Variants in RBFOX2 observed in about 807,000 individuals in gnomAD.
The protein encoded by RBFOX2 is RNA binding fox-1 homolog 2, also known as RNA binding protein fox-1 homolog 2.
A neutral mutation model predicts 49.1 loss-of-function variants in RBFOX2; 10 were observed. The ratio of observed to expected loss-of-function variants is 0.20; its 90% CI spans 0.13 to 0.35. The LOEUF (loss-of-function observed/expected upper bound fraction) is 0.35, where lower values mean the gene tolerates loss of function less well. RBFOX2 is among the 10% of genes least tolerant of loss of function. The pLI is 1.00. For synonymous variants in RBFOX2, 183 were observed against 187.4 expected, an observed-to-expected ratio of 0.98 and a Z score of 0.19; for missense variants, 323 against 486.9, an observed-to-expected ratio of 0.66 and a Z score of 3.17.
chr22:35,791,977 G>A (rs1288323594), intron 2 of RBFOX2, among the ~76,000 whole-genome samples: 1 of 152,148 alleles, frequency 6.6e-6, no homozygotes, highest in East Asian at 1.9e-4. Flanking sequence ...ACTGCTCAAA[G>A]TACATCTGCC....
chr22:35,966,308 T>C (rs2056554921), upstream of RBFOX2, among the ~76,000 whole-genome samples: 1 of 152,204 alleles, frequency 6.6e-6, no homozygotes, highest in African/African-American at 2.4e-5. Context: ...TCCTTGCACA[T>C]GTCTTTCAGT....
chr22:35,742,592 G>C (rs374995625), exon 12 of RBFOX2: 1 of 152,600 alleles, frequency 6.6e-6, no homozygotes, highest in Non-Finnish European at 1.5e-5. Context: ...AATGTGACTA[G>C]ACCAGGGAGC....
intron 1 of RBFOX2, among the ~76,000 whole-genome samples, chr22:35,892,993 C>A (rs550590063): frequency 3.3e-5 from 5 of 152,236 alleles, no homozygotes; most frequent in Admixed American, 1.3e-4. Flanking sequence ...GCATTATTCG[C>A]TATAGCTCCT....
intron 4 of RBFOX2, among the ~76,000 whole-genome samples, chr22:35,769,191 G>A (rs1276320605): frequency 2.0e-5 from 3 of 152,060 alleles, no homozygotes; most frequent in African/African-American, 4.8e-5. Context: ...TCTATATATA[G>A]AGAAAAAAGG....
chr22:36,026,498 TCTCA>T (rs2059439810), intron 1 of RBFOX2, among the ~76,000 whole-genome samples: 1 of 150,586 alleles, frequency 6.6e-6, no homozygotes, highest in African/African-American at 2.5e-5. Flanking sequence ...GGGACGGGGG[TCTCA>T]CTATTAACTA....
intron 1 of RBFOX2, among the ~76,000 whole-genome samples, chr22:35,929,944 G>A (rs1037573536): frequency 4.6e-5 from 7 of 150,852 alleles, no homozygotes; most frequent in Non-Finnish European, 8.8e-5. Flanking sequence ...AACTCTATAC[G>A]TTTACTAAAT....
intron 1 of RBFOX2, among the ~76,000 whole-genome samples, chr22:35,884,944 G>A (rs2046380852): frequency 6.6e-6 from 1 of 152,032 alleles, no homozygotes; most frequent in Non-Finnish European, 1.5e-5. Flanking sequence ...CCTATCATAG[G>A]AGGCACTTGG....
At chr22:35,968,811 T>A (rs2056712154) in intron 1 of RBFOX2, among the ~76,000 whole-genome samples, 1 of 152,182 alleles carries the variant, frequency 6.6e-6, no homozygotes, top group African/African-American at 2.4e-5. Context: ...AAAGACATTA[T>A]AACAAGTAAA....
chr22:35,979,126 T>C (rs978751327), intron 1 of RBFOX2, among the ~76,000 whole-genome samples: 5 of 152,172 alleles, frequency 3.3e-5, no homozygotes, highest in African/African-American at 4.8e-5. Context: ...CATAGCATCA[T>C]TGCAGTGGTA....
intron 1 of RBFOX2, chr22:35,996,879 T>TC (rs2058215705): frequency 1.3e-5 from 2 of 152,160 alleles, no homozygotes; most frequent in Admixed American, 6.5e-5. Context: ...GGATGTCTAA[T>TC]CCCCTTTCCT....
intron 1 of RBFOX2, among the ~76,000 whole-genome samples, chr22:35,813,357 T>A (rs1215320565): frequency 2.0e-5 from 3 of 152,206 alleles, no homozygotes; most frequent in Non-Finnish European, 4.4e-5. Flanking sequence ...ACAGTTCACA[T>A]GAGTATTTCT....
chr22:35,986,793 T>C (rs962456487), intron 1 of RBFOX2, among the ~76,000 whole-genome samples: 8 of 152,190 alleles, frequency 5.3e-5, no homozygotes, highest in African/African-American at 1.9e-4. Flanking sequence ...AAGCTAGCAA[T>C]GATGACTGTG....
upstream of RBFOX2, chr22:35,938,902 G>C (rs1390849732): frequency 6.2e-6 from 10 of 1,612,760 alleles, no homozygotes; most frequent in Non-Finnish European, 8.5e-6. Context: ...CTCGTTCTAT[G>C]AGAAAGACAA....
At chr22:35,826,757 A>C (rs1384705870) in intron 1 of RBFOX2, among the ~76,000 whole-genome samples, 1 of 152,100 alleles carries the variant, frequency 6.6e-6, no homozygotes, top group Admixed American at 6.5e-5. Context: ...TTTCCTATAC[A>C]TATATAACTG....
At chr22:35,925,009 T>C (rs2149618742) in intron 1 of RBFOX2, among the ~76,000 whole-genome samples, 1 of 151,772 alleles carries the variant, frequency 6.6e-6, no homozygotes, top group East Asian at 1.9e-4. Flanking sequence ...TGAAACCCCA[T>C]CTCTACTAAA....
At chr22:35,840,355 C>T in exon 1 of RBFOX2, 1 of 1,549,826 alleles carries the variant, frequency 6.5e-7, no homozygotes, top group Non-Finnish European at 8.7e-7. Context: ...TACCGTTTTC[C>T]TTCCTTTTTC....
chr22:36,011,524 T>C (rs6000057), intron 1 of RBFOX2, among the ~76,000 whole-genome samples: 20,075 of 152,018 alleles, frequency 0.13, 2,858 homozygotes, highest in African/African-American at 0.36. Flanking sequence ...TACGAAATAA[T>C]TTCCAAATAG....
At chr22:35,881,941 A>C (rs2045958782) in intron 1 of RBFOX2, among the ~76,000 whole-genome samples, 1 of 151,762 alleles carries the variant, frequency 6.6e-6, no homozygotes, top group African/African-American at 2.4e-5. Context: ...CCTGGACAAC[A>C]GAGTGAGACC....
chr22:35,966,038 T>C (rs1243598270), upstream of RBFOX2, among the ~76,000 whole-genome samples: 3 of 152,054 alleles, frequency 2.0e-5, no homozygotes, highest in Non-Finnish European at 2.9e-5. Flanking sequence ...TCCTGTGCCT[T>C]TGCAAAGTCA....
Sources: allele counts gnomAD v4.1 joint callset (sites outside exome capture counted in the v4.1 genomes callset), GRCh38; gene constraint gnomAD v4.1.1; transcripts MANE v1.5; gene names NCBI Gene and HGNC (gene_info 2026-07-23, HGNC 2026-07-21).